The following MARK2 variants were observed in gnomAD, a reference collection of about 807,000 sequenced individuals.
MARK2 encodes microtubule affinity regulating kinase 2.
In MARK2, 16 loss-of-function variants were observed where a neutral mutation model predicts 89.8. The observed-to-expected ratio is 0.18, with a 90% CI of 0.12 to 0.27. The LOEUF (loss-of-function observed/expected upper bound fraction) is 0.27. Ranked by LOEUF, MARK2 falls within the 10% of genes least tolerant of loss-of-function variation. The probability of loss-of-function intolerance (pLI) is 1.00; values close to 1 mark genes in which losing one functional copy is unlikely to be tolerated. For missense variants in MARK2, 621 were observed against 1,049.9 expected (o/e 0.59, Z 5.65); for synonymous variants, 382 against 399.5 (o/e 0.96, Z 0.52).
chr11:63,849,062 T>TG (rs1234141094), intron 1 of MARK2, among the ~76,000 whole-genome samples: 4 of 152,114 alleles, frequency 2.6e-5, no homozygotes, highest in African/African-American at 4.8e-5. Flanking sequence ...TAGTATGCAG[T>TG]GGTGTGATCA....
At chr11:63,901,422 G>GGTGTGTGTGTATGTGTGT (rs1940856883) in intron 11 of MARK2, among the ~76,000 whole-genome samples, 1 of 139,590 alleles carries the variant, frequency 7.2e-6, no homozygotes, top group Non-Finnish European at 1.5e-5. Context: ...TACATTTCTG[G>GGTGTGTGTGTATGTGTGT]GTGTGTGTGT....
At chr11:63,879,924 G>C (rs1938990250) in intron 1 of MARK2, among the ~76,000 whole-genome samples, 1 of 152,168 alleles carries the variant, frequency 6.6e-6, no homozygotes, top group Non-Finnish European at 1.5e-5. Context: ...GAAAGATGCA[G>C]CAGGAAGAGG....
intron 1 of MARK2, among the ~76,000 whole-genome samples, chr11:63,855,260 T>C (rs2016781410): frequency 6.6e-6 from 1 of 152,172 alleles, no homozygotes. Flanking sequence ...GGCTCACGCC[T>C]GTAATGTCAG....
chr11:63,860,685 C>T (rs1255014212), intron 1 of MARK2, among the ~76,000 whole-genome samples: 3 of 151,968 alleles, frequency 2.0e-5, no homozygotes, highest in Admixed American at 6.5e-5. Flanking sequence ...GGTGAAACCC[C>T]GTCTCTACTT....
At position 63,910,696 on chromosome 11, in the gene MARK2, A is replaced by ACCC. The variant is rs1378457004; in HGVS notation, c.*1462_*1464dup. 1 of 137,192 alleles carries ACCC rather than the reference A, an allele frequency of 7.3e-6. No homozygotes were observed. The highest frequency in any genetic ancestry group is 1.5e-5 in the Non-Finnish European group (1 of 64,970). The allele number at this position is 137,192 out of a possible 1,614,324, so 8.5% of individuals were successfully genotyped here. ...TATGATGACTCCACCCCTCTTCATC[A>ACCC]CCCCCGCTCCCAGGCCAGGCTCAGC... is the stretch of plus-strand genomic sequence containing the variant. On this transcript the variant is annotated 3_prime_UTR_variant, in exon 19 of 19. Transcript: ENST00000402010.
rs117868527 is a variant in MARK2, at chr11:63,875,945, A to G, written c.55-19214A>G. Among the ~76,000 whole-genome samples, 1,445 of 152,334 alleles carry G rather than the reference A, an allele frequency of 9.5e-3. 12 individuals are homozygous for G. The highest frequency in any genetic ancestry group is 0.016 in the Non-Finnish European group (1,072 of 68,032). ...GCTTCAGTAAGCACTGTGTATGAGA[A>G]TGGACTTACTCTGGCCACACTGTGC... On this transcript the variant is annotated intron_variant, in intron 1 of 18. Coordinates refer to ENST00000402010, the MANE Select transcript of MARK2 (RefSeq NM_001039469.3).
At chr11:63,908,856 C>T in intron 18 of MARK2, 21 bp from the exon 19 acceptor site, 4 of 1,436,154 alleles carry the variant, frequency 2.8e-6, no homozygotes, top group South Asian at 1.6e-5. Flanking sequence ...CCCGTGACGC[C>T]CGCCTCTGCC....
chr11:63,908,992 A>G lies in MARK2; in HGVS notation c.2122A>G (p.Asn708Asp). The change falls in exon 19 of 19, where the codon AAC becomes GAC. Residue 708 changes from asparagine to aspartate, a missense_variant. By Grantham distance (23) the Asn-to-Asp change is conservative (BLOSUM62 1). Around this residue, in one of 5 missense-constraint regions of MARK2, gnomAD observed 49 missense variants for 46.7 expected, o/e 1.05. Coordinates refer to ENST00000402010, the MANE Select transcript of MARK2 (RefSeq NM_001039469.3). ...GAAGACCACGAGCTCCATGGAGCCC[A>G]ACGAGATGATGCGGGAGATCCGCAA... Reference protein sequence around the residue: ...SMKTTSSMEPNEMMREIRKVL... With the variant: ...SMKTTSSMEPDEMMREIRKVL... 6.3e-7 allele frequency: 1 copy of G among 1,579,824 alleles called. No homozygotes were observed. Among genetic ancestry groups the G allele is most frequent in the Admixed American group, 1.7e-5 (1 of 59,080 alleles).
intron 6 of MARK2, 32 bp from the exon 7 acceptor site, chr11:63,899,020 C>T (rs375636855): frequency 2.3e-5 from 35 of 1,548,440 alleles, no homozygotes; most frequent in Non-Finnish European, 3.1e-5. Context: ...CCCTCAGGCA[C>T]CCCTGGGTTA....
At position 63,904,133 on chromosome 11, in the gene MARK2, G is replaced by C; in HGVS notation, c.1662G>C (p.Glu554Asp). The stretch of plus-strand genomic sequence containing the variant: ...TGCCCCCCACGGAGAGTAACTGTGA[G>C]GTGCCGCGGCCCAGGCAAGTGTGCT... ...SGLPPTESNC[E>D]VPRPSTAPQR... is the part of the protein sequence containing the mutation. The change falls in exon 15 of 19, where the codon GAG becomes GAC. Residue 554 changes from glutamate (E) to aspartate (D), a missense_variant. Around this residue, in one of 5 missense-constraint regions of MARK2, gnomAD observed 397 missense variants for 567.8 expected, o/e 0.70. Coordinates refer to ENST00000402010, the MANE Select transcript of MARK2 (RefSeq NM_001039469.3). This position sits in a 1 kb window ranked among gnomAD's most constrained non-coding sequence, Gnocchi z 6.3. 1 of 1,585,052 alleles carries C rather than the reference G, an allele frequency of 6.3e-7. No homozygotes were observed. Among genetic ancestry groups the C allele is most frequent in the Middle Eastern group, 1.8e-4 (1 of 5,606 alleles).
chr11:63,841,465 A>G (rs1410867563), intron 1 of MARK2, among the ~76,000 whole-genome samples: 1 of 152,082 alleles, frequency 6.6e-6, no homozygotes, highest in Non-Finnish European at 1.5e-5. Context: ...ACAGAGGAGC[A>G]TGTTCTGTGT....
At chr11:63,840,550 A>G (rs2015958690) in intron 1 of MARK2, among the ~76,000 whole-genome samples, 1 of 152,184 alleles carries the variant, frequency 6.6e-6, no homozygotes, top group Admixed American at 6.5e-5. Flanking sequence ...ACGCTGGAAC[A>G]CAAACCATGA....
At chr11:63,880,684 C>T (rs1282390798) in intron 1 of MARK2, among the ~76,000 whole-genome samples, 8 of 152,144 alleles carry the variant, frequency 5.3e-5, no homozygotes, top group East Asian at 3.9e-4. Flanking sequence ...GTTTTCCCTC[C>T]GATGAAAGGA....
At position 63,906,196 on chromosome 11, in the gene MARK2, T is replaced by A. The variant is rs1279041235; in HGVS notation, c.1961+82T>A. On this transcript the variant is annotated intron_variant, in intron 17 of 18. Coordinates refer to ENST00000402010, the MANE Select transcript of MARK2 (RefSeq NM_001039469.3). Reference sequence around the variant, plus strand: ...CTGCCTCCATCACTAACTCCCCTTTTCTGGCTCTTACTCTCCTCCATCTGC... The same window carrying A: ...CTGCCTCCATCACTAACTCCCCTTTACTGGCTCTTACTCTCCTCCATCTGC... 1.1e-5 allele frequency: 14 copies of A among 1,248,588 alleles called. No homozygotes were observed. The East Asian group carries it at 4.4e-4, about 39-fold the overall frequency. The allele number at this position is 1,248,588 out of a possible 1,614,324, so 77.3% of individuals were successfully genotyped here. A position where few individuals can be genotyped will look rare whatever the true frequency, so the allele number is the denominator to read the frequency against.
chr11:63,853,657 G>A (rs2016684672), intron 1 of MARK2, among the ~76,000 whole-genome samples: 1 of 152,116 alleles, frequency 6.6e-6, no homozygotes, highest in African/African-American at 2.4e-5. Context: ...TGCACCCTTG[G>A]TGCAGAAGCA....
chr11:63,899,217 A>T, intron 7 of MARK2, 109 bp downstream of exon 7: 9 of 696,252 alleles, frequency 1.3e-5, no homozygotes, highest in South Asian at 8.5e-5. Flanking sequence ...GTTCCAGGAA[A>T]CTCCAGCCTT....
chr11:63,887,121 G>A (rs1292253161), intron 1 of MARK2, among the ~76,000 whole-genome samples: 1 of 152,210 alleles, frequency 6.6e-6, no homozygotes, highest in African/African-American at 2.4e-5. Flanking sequence ...AGTGTCCCGA[G>A]CACCTTCCCT....
intron 1 of MARK2, among the ~76,000 whole-genome samples, chr11:63,887,086 G>T (rs1939445728): frequency 6.6e-6 from 1 of 152,206 alleles, no homozygotes; most frequent in African/African-American, 2.4e-5. Context: ...TTCACCATTG[G>T]CCTGAATCAA....
rs1190881580 is a variant in MARK2, at chr11:63,903,139, A to G, written c.1495A>G (p.Ile499Val). The G allele has an allele frequency of 6.2e-7, 1 of 1,613,690 alleles. No homozygotes were observed. Among genetic ancestry groups the G allele is most frequent in the Non-Finnish European group, 8.5e-7 (1 of 1,179,922 alleles). Residue 499 changes from isoleucine to valine, a missense_variant, in exon 14 of 19, where the codon ATC becomes GTC. Transcript: ENST00000402010. The surrounding 1 kb of genome is among the most constrained non-coding windows in gnomAD (Gnocchi z 5.1). ...LERASLGQAS[I>V]QNGKDSLTMP... Reference sequence around the variant, plus strand: ...GCGGGCCAGCCTCGGCCAGGCCTCCATCCAGAATGGCAAAGACAGGTGAGA... The same window carrying G: ...GCGGGCCAGCCTCGGCCAGGCCTCCGTCCAGAATGGCAAAGACAGGTGAGA...
Sources: allele counts gnomAD v4.1 joint callset (sites outside exome capture counted in the v4.1 genomes callset), GRCh38; gene constraint gnomAD v4.1.1; regional missense constraint gnomAD v4.1.1; non-coding constraint Gnocchi (gnomAD v3.1); transcripts MANE v1.5; gene names NCBI Gene and HGNC (gene_info 2026-07-23, HGNC 2026-07-21).